The following SDK1 variants were observed in gnomAD, a reference collection of about 807,000 sequenced individuals.
The protein encoded by SDK1 is protein sidekick-1.
In SDK1, 157 loss-of-function variants were observed where a neutral mutation model predicts 245.5. That is an observed-to-expected ratio of 0.64 (90% confidence interval 0.56 to 0.73). The LOEUF (loss-of-function observed/expected upper bound fraction) is 0.73. Among genes scored for constraint, SDK1 ranks in the 30% least tolerant of loss-of-function variants. SDK1 has a pLI of 0.00. For synonymous variants in SDK1, 1,647 were observed against 1,278.5 expected, an observed-to-expected ratio of 1.29 and a Z score of -6.15; for missense variants, 3,583 against 3,002.3, an observed-to-expected ratio of 1.19 and a Z score of -4.52.
chr7:4,046,708 A>G (rs1789038640), intron 17 of SDK1, among the ~76,000 whole-genome samples: 1 of 152,224 alleles, frequency 6.6e-6, no homozygotes, highest in Non-Finnish European at 1.5e-5. Flanking sequence ...GAAATCATAC[A>G]GTAAAGGTTA....
rs77233964 is a variant in SDK1, at chr7:3,774,757, C to G, written c.714-46693C>G. The stretch of plus-strand genomic sequence containing the variant: ...AGTTGTGGAATTTGGAGGTATTTTT[C>G]TAGGTTTTATGATCTTCTCCTGAAT... On this transcript the variant is annotated intron_variant, in intron 4 of 44. Coordinates refer to ENST00000404826, the MANE Select transcript of SDK1 (RefSeq NM_152744.4). Among the ~76,000 whole-genome samples, 304 of 152,222 alleles carry G rather than the reference C, an allele frequency of 2.0e-3. 1 individual carries two copies. Among genetic ancestry groups the G allele is most frequent in the African/African-American group, 6.9e-3 (288 of 41,532 alleles).
chr7:3,935,931 G>T (rs1230855468), intron 5 of SDK1, among the ~76,000 whole-genome samples: 4 of 152,220 alleles, frequency 2.6e-5, no homozygotes, highest in Non-Finnish European at 5.9e-5. Flanking sequence ...TTGAACAGAT[G>T]TTTGTATGCC....
chr7:3,990,032 G>A (rs1784176591), intron 14 of SDK1, among the ~76,000 whole-genome samples: 1 of 152,268 alleles, frequency 6.6e-6, no homozygotes, highest in Non-Finnish European at 1.5e-5. Flanking sequence ...TTCGGAAGCA[G>A]AGTGTGCTGT....
intron 4 of SDK1, among the ~76,000 whole-genome samples, chr7:3,703,897 CT>C (rs1784811164): frequency 6.6e-6 from 1 of 152,094 alleles, no homozygotes; most frequent in South Asian, 2.1e-4. Flanking sequence ...GCACATTTTA[CT>C]TTTGTTTTTC....
chr7:4,114,327 A>C, intron 25 of SDK1, 53 bp downstream of exon 25: 1 of 1,363,828 alleles, frequency 7.3e-7, no homozygotes. Flanking sequence ...GATGGGGCTG[A>C]GTGCCCCTGA....
rs574573666 is a variant in SDK1, at chr7:3,716,226, G to T, written c.713+74121G>T. Among the ~76,000 whole-genome samples the T allele has an allele frequency of 6.6e-5, 10 of 151,336 alleles. No individual in the cohort carries two copies. In the South Asian group the frequency reaches 1.7e-3, roughly 25 times the overall value. ...GAGAAAGAAAATTGGGACTGAAAAAGCATTCAAAGAAATAATAGGTGAAAG... is the reference window on the plus strand; with the variant it reads ...GAGAAAGAAAATTGGGACTGAAAAATCATTCAAAGAAATAATAGGTGAAAG... On this transcript the variant is annotated intron_variant, in intron 4 of 44. Coordinates refer to ENST00000404826, the MANE Select transcript of SDK1 (RefSeq NM_152744.4).
chr7:4,240,945 C>T lies in SDK1; in HGVS notation c.6131-848C>T, dbSNP rs145277313. On this transcript the variant is annotated intron_variant, in intron 42 of 44. Coordinates refer to ENST00000404826, the MANE Select transcript of SDK1 (RefSeq NM_152744.4). ...ATGACGCGGGGGTTTGCAGGGTGGACAGACCAGGCCAAGCTTGGGGGCAGT... is the reference window on the plus strand; with the variant it reads ...ATGACGCGGGGGTTTGCAGGGTGGATAGACCAGGCCAAGCTTGGGGGCAGT... Among the ~76,000 whole-genome samples the T allele has an allele frequency of 1.3e-4, 20 of 152,284 alleles. 1 individual carries two copies. The East Asian group carries it at 3.5e-3, about 26-fold the overall frequency.
At chr7:3,597,974 T>G (rs945833255) in intron 1 of SDK1, among the ~76,000 whole-genome samples, 1 of 152,342 alleles carries the variant, frequency 6.6e-6, no homozygotes, top group South Asian at 2.1e-4. Flanking sequence ...AACTTCTGGA[T>G]CATTGTGTAG....
intron 2 of SDK1, among the ~76,000 whole-genome samples, chr7:3,630,102 C>G (rs949678261): frequency 2.6e-5 from 4 of 151,986 alleles, no homozygotes; most frequent in African/African-American, 9.7e-5. Context: ...GAAAAAAAAT[C>G]AAACATAATG....
At chr7:3,506,558 C>CCTT (rs1437753698) in intron 1 of SDK1, among the ~76,000 whole-genome samples, 1 of 152,106 alleles carries the variant, frequency 6.6e-6, no homozygotes, top group African/African-American at 2.4e-5. Context: ...CTCTGATGTA[C>CCTT]TTTGATGACA....
chr7:4,265,828 A>G lies in SDK1; in HGVS notation c.*444A>G, dbSNP rs547047765. 4.0e-6 allele frequency: 4 copies of G among 997,410 alleles called. No homozygotes were observed. The East Asian group carries it at 4.4e-4, about 109-fold the overall frequency. 61.8% of individuals were successfully genotyped at this position (997,410 alleles called of 1,614,324 possible). ...TCCTCTTCCAGAGAACCAGCGGCTC[A>G]CACCCTTCTCAACGCAGGACATCCT... On this transcript the variant is annotated 3_prime_UTR_variant, in exon 45 of 45. Coordinates refer to ENST00000404826, the MANE Select transcript of SDK1 (RefSeq NM_152744.4).
rs957665209 is a variant in SDK1, at chr7:4,042,295, C to T, written c.2603-7053C>T. Among the ~76,000 whole-genome samples the T allele has an allele frequency of 2.2e-5, 3 of 136,226 alleles. 1 individual carries two copies. The highest frequency in any genetic ancestry group is 4.6e-5 in the Non-Finnish European group (3 of 65,922). The allele number at this position is 136,226 out of a possible 152,430, so 89.4% of individuals were successfully genotyped here. ...TCTCTTCAGGTAGGAGAAACTGCTACTCTCTGATCCAGGTTTCACATATTT... is the reference window on the plus strand; with the variant it reads ...TCTCTTCAGGTAGGAGAAACTGCTATTCTCTGATCCAGGTTTCACATATTT... On this transcript the variant is annotated intron_variant, in intron 17 of 44. Coordinates refer to ENST00000404826, the MANE Select transcript of SDK1 (RefSeq NM_152744.4).
At chr7:3,814,325 A>C (rs1206115084) in intron 4 of SDK1, among the ~76,000 whole-genome samples, 3 of 147,924 alleles carry the variant, frequency 2.0e-5, no homozygotes, top group Non-Finnish European at 4.5e-5. Context: ...TCAGCTTTCT[A>C]CATATGGCTA....
intron 5 of SDK1, among the ~76,000 whole-genome samples, chr7:3,859,757 G>A (rs1780641657): frequency 6.6e-6 from 1 of 152,122 alleles, no homozygotes; most frequent in Non-Finnish European, 1.5e-5. Flanking sequence ...TTACCACACT[G>A]CCCACCACAC....
intron 17 of SDK1, among the ~76,000 whole-genome samples, chr7:4,023,413 G>T (rs1215493061): frequency 6.6e-6 from 1 of 152,190 alleles, no homozygotes; most frequent in African/African-American, 2.4e-5. Context: ...TGAGAGGAAA[G>T]GTTGGTGCTC....
intron 5 of SDK1, among the ~76,000 whole-genome samples, chr7:3,905,814 G>A (rs1778889094): frequency 6.6e-6 from 1 of 152,000 alleles, no homozygotes; most frequent in Non-Finnish European, 1.5e-5. Flanking sequence ...GTGGAGATAA[G>A]TGTCTTGCTA....
chr7:3,834,939 G>C (rs1049626479), intron 5 of SDK1, among the ~76,000 whole-genome samples: 1 of 152,024 alleles, frequency 6.6e-6, no homozygotes, highest in Non-Finnish European at 1.5e-5. Context: ...CTTTTCTTTT[G>C]GTGTTTATTG....
intron 1 of SDK1, among the ~76,000 whole-genome samples, chr7:3,317,547 A>T (rs1001173881): frequency 1.4e-5 from 2 of 144,194 alleles, no homozygotes; most frequent in African/African-American, 5.2e-5. Flanking sequence ...GCCTGCCAGG[A>T]GGGCGCTTCC....
chr7:4,003,472 C>T (rs994291281), intron 14 of SDK1, among the ~76,000 whole-genome samples: 6 of 152,198 alleles, frequency 3.9e-5, no homozygotes, highest in African/African-American at 1.4e-4. Flanking sequence ...GCAGTCTCTC[C>T]CTGATGACGT....
Sources: allele counts gnomAD v4.1 joint callset (sites outside exome capture counted in the v4.1 genomes callset), GRCh38; gene constraint gnomAD v4.1.1; transcripts MANE v1.5; gene names NCBI Gene and HGNC (gene_info 2026-07-23, HGNC 2026-07-21).